Variants in GPC5 observed in about 807,000 individuals in gnomAD.
GPC5 encodes glypican 5.
A neutral mutation model predicts 53.9 loss-of-function variants in GPC5; 47 were observed. That is an observed-to-expected ratio of 0.87 (90% CI 0.69 to 1.11). The LOEUF is 1.11. GPC5 is among the 50% of genes most tolerant of loss of function. The pLI, the probability that GPC5 is intolerant of heterozygous loss-of-function variation, is 0.00. For synonymous variants in GPC5, 286 were observed against 263.3 expected, an observed-to-expected ratio of 1.09 and a Z score of -0.84; for missense variants, 748 against 713.1, an observed-to-expected ratio of 1.05 and a Z score of -0.56.
At chr13:91,805,061 A>G (rs2038198223) in intron 5 of GPC5, among the ~76,000 whole-genome samples, 1 of 152,160 alleles carries the variant, frequency 6.6e-6, no homozygotes, top group African/African-American at 2.4e-5. Flanking sequence ...TAACCTTCAC[A>G]CATCTCCCCC....
chr13:92,089,759 T>A (rs1322018503), intron 6 of GPC5, among the ~76,000 whole-genome samples: 1 of 152,184 alleles, frequency 6.6e-6, no homozygotes, highest in Non-Finnish European at 1.5e-5. Context: ...GAAAAGAATA[T>A]TGCCTTAGAG....
chr13:91,538,552 A>C (rs7985401), intron 2 of GPC5, among the ~76,000 whole-genome samples: 1,747 of 151,312 alleles, frequency 0.012, 27 homozygotes, highest in African/African-American at 0.04. Flanking sequence ...ATAGATGTTA[A>C]TCTCCAGAAC....
intron 7 of GPC5, among the ~76,000 whole-genome samples, chr13:92,696,781 A>C (rs567358345): frequency 6.6e-6 from 1 of 152,074 alleles, no homozygotes; most frequent in African/African-American, 2.4e-5. Context: ...CCATGCCTAC[A>C]TCTTGAATGG....
At chr13:92,087,801 A>G (rs2041347645) in intron 6 of GPC5, among the ~76,000 whole-genome samples, 1 of 152,182 alleles carries the variant, frequency 6.6e-6, no homozygotes, top group Non-Finnish European at 1.5e-5. Flanking sequence ...CTGAGGCAAA[A>G]TGATTGAGGT....
chr13:92,625,501 C>G (rs1376829134), intron 7 of GPC5, among the ~76,000 whole-genome samples: 1 of 152,120 alleles, frequency 6.6e-6, no homozygotes, highest in Non-Finnish European at 1.5e-5. Context: ...AAAGATGATA[C>G]AGGTCAAAGA....
chr13:92,285,473 C>T (rs2042947506), intron 7 of GPC5, among the ~76,000 whole-genome samples: 1 of 152,160 alleles, frequency 6.6e-6, no homozygotes, highest in Non-Finnish European at 1.5e-5. Context: ...AGGCATCACA[C>T]TACCTGACTT....
At chr13:91,697,303 C>T (rs1044563093) in intron 3 of GPC5, among the ~76,000 whole-genome samples, 2 of 152,074 alleles carry the variant, frequency 1.3e-5, no homozygotes, top group African/African-American at 4.8e-5. Context: ...CCACCATGCC[C>T]AGCTAATTTT....
intron 7 of GPC5, among the ~76,000 whole-genome samples, chr13:92,385,540 G>GCATACATACATATA (rs1566567846): frequency 8.6e-6 from 1 of 116,776 alleles, no homozygotes; most frequent in African/African-American, 3.5e-5. Flanking sequence ...ATACATATAT[G>GCATACATACATATA]CATATATACA....
At chr13:92,846,940 A>G (rs1878632300) in intron 7 of GPC5, among the ~76,000 whole-genome samples, 1 of 152,182 alleles carries the variant, frequency 6.6e-6, no homozygotes, top group African/African-American at 2.4e-5. Context: ...TTAGAACTAT[A>G]CACCTCAAAG....
chr13:91,401,295 T>TAA (rs775976980), intron 1 of GPC5, among the ~76,000 whole-genome samples: 2 of 144,068 alleles, frequency 1.4e-5, no homozygotes, highest in African/African-American at 2.5e-5. Context: ...CTCATCTCTC[T>TAA]AAAAAAAAAA....
intron 2 of GPC5, among the ~76,000 whole-genome samples, chr13:91,459,154 T>G (rs985747169): frequency 4.0e-5 from 6 of 151,728 alleles, no homozygotes; most frequent in African/African-American, 1.5e-4. Flanking sequence ...AAGTCACCGC[T>G]AAAGAACTTA....
intron 1 of GPC5, among the ~76,000 whole-genome samples, chr13:91,413,896 A>G (rs1378998764): frequency 6.6e-6 from 1 of 152,204 alleles, no homozygotes; most frequent in Non-Finnish European, 1.5e-5. Context: ...GATCTAAACT[A>G]ACTTCAGAGC....
intron 2 of GPC5, among the ~76,000 whole-genome samples, chr13:91,587,466 C>A (rs528558379): frequency 6.6e-6 from 1 of 152,220 alleles, no homozygotes; most frequent in African/African-American, 2.4e-5. Context: ...ATGTGTCAGT[C>A]AGTTTGGCTA....
intron 2 of GPC5, among the ~76,000 whole-genome samples, chr13:91,503,817 A>AATAATAATAATC (rs1555316221): frequency 4.1e-5 from 6 of 147,418 alleles, no homozygotes; most frequent in African/African-American, 1.5e-4. Flanking sequence ...TAATAATAAT[A>AATAATAATAATC]ATCAGGCTGT....
chr13:91,618,105 G>A (rs1440514073), intron 2 of GPC5, among the ~76,000 whole-genome samples: 2 of 152,084 alleles, frequency 1.3e-5, no homozygotes, highest in Non-Finnish European at 2.9e-5. Context: ...TGTTCTAGAG[G>A]TTCAGGTTAA....
intron 7 of GPC5, among the ~76,000 whole-genome samples, chr13:92,379,490 A>T (rs1032639835): frequency 6.6e-6 from 1 of 152,076 alleles, no homozygotes; most frequent in Non-Finnish European, 1.5e-5. Flanking sequence ...TCTGCACGTT[A>T]GTTCCTCTCT....
At chr13:92,768,875 C>T (rs1875510133) in intron 7 of GPC5, among the ~76,000 whole-genome samples, 1 of 151,978 alleles carries the variant, frequency 6.6e-6, no homozygotes, top group Non-Finnish European at 1.5e-5. Context: ...GGCAAGTCAT[C>T]TGCTGAACAA....
intron 6 of GPC5, among the ~76,000 whole-genome samples, chr13:92,029,940 G>A (rs935654970): frequency 2.0e-5 from 3 of 152,036 alleles, no homozygotes; most frequent in East Asian, 3.9e-4. Context: ...GTTCCTTACC[G>A]AAGGAAACTG....
At chr13:92,522,685 T>C (rs1342315176) in intron 7 of GPC5, among the ~76,000 whole-genome samples, 1 of 152,026 alleles carries the variant, frequency 6.6e-6, no homozygotes, top group Non-Finnish European at 1.5e-5. Flanking sequence ...AGTTAATGGG[T>C]GAAGCACTCC....
Sources: allele counts gnomAD v4.1 joint callset (sites outside exome capture counted in the v4.1 genomes callset), GRCh38; gene constraint gnomAD v4.1.1; transcripts MANE v1.5; gene names NCBI Gene and HGNC (gene_info 2026-07-23, HGNC 2026-07-21).